The following SEC24A variants were observed in gnomAD, a reference collection of about 807,000 sequenced individuals.
SEC24A encodes protein transport protein Sec24A.
In SEC24A, 93 loss-of-function variants were observed where a neutral mutation model predicts 129.4. That is an observed-to-expected ratio of 0.72 (90% CI 0.61 to 0.85). SEC24A has a LOEUF of 0.85. SEC24A is among the 40% of genes least tolerant of loss of function. The probability of loss-of-function intolerance (pLI) is 0.00; values close to 1 mark genes in which losing one functional copy is unlikely to be tolerated. For synonymous variants in SEC24A, 460 were observed against 467.3 expected, an observed-to-expected ratio of 0.98 and a Z score of 0.20; for missense variants, 1,264 against 1,307.4, an observed-to-expected ratio of 0.97 and a Z score of 0.51.
rs1251375091 is a variant in SEC24A, at chr5:134,703,769, T to C, written c.2277T>C (p.Ile759=). The C allele has an allele frequency of 6.2e-7, 1 of 1,609,148 alleles. No homozygotes were observed. Among genetic ancestry groups the C allele is most frequent in the East Asian group, 2.2e-5 (1 of 44,834 alleles). Residue 759 remains isoleucine, a synonymous_variant, in exon 16 of 23, where the codon ATT becomes ATC. Coordinates refer to ENST00000398844, the MANE Select transcript of SEC24A (RefSeq NM_021982.3). ...MRIRCTKGLS[I]HTFHGNFFVR... ...CTTTTTCTCTTCTAGGTCTTTCCAT[T>C]CATACTTTCCATGGAAACTTCTTTG...
At chr5:134,711,160 T>C (rs1287982878) in intron 18 of SEC24A, among the ~76,000 whole-genome samples, 1 of 151,594 alleles carries the variant, frequency 6.6e-6, no homozygotes, top group South Asian at 2.1e-4. Flanking sequence ...AAATAAAAAA[T>C]AAATAAATAA....
At chr5:134,690,326 A>AT (rs980861929) in intron 11 of SEC24A, among the ~76,000 whole-genome samples, 1 of 151,996 alleles carries the variant, frequency 6.6e-6, no homozygotes, top group Non-Finnish European at 1.5e-5. Flanking sequence ...GGCTATTACT[A>AT]TTTTTTTAAA....
intron 2 of SEC24A, among the ~76,000 whole-genome samples, chr5:134,663,848 G>A (rs1169569579): frequency 1.3e-5 from 2 of 152,166 alleles, no homozygotes; most frequent in East Asian, 1.9e-4. Context: ...GGTGGCTCAC[G>A]CCTGTAAGCC....
chr5:134,719,557 G>A (rs549515143), intron 20 of SEC24A, among the ~76,000 whole-genome samples: 9 of 151,558 alleles, frequency 5.9e-5, no homozygotes, highest in East Asian at 5.8e-4. Context: ...GCGTGGTCAC[G>A]TGCACCTGTA....
At chr5:134,650,210 C>A (rs1432309745) in intron 1 of SEC24A, among the ~76,000 whole-genome samples, 1 of 152,250 alleles carries the variant, frequency 6.6e-6, no homozygotes, top group East Asian at 1.9e-4. Flanking sequence ...TGGAGGAAAG[C>A]CACTGAAAGG....
chr5:134,651,091 A>G (rs1217481148), intron 1 of SEC24A, among the ~76,000 whole-genome samples: 1 of 103,498 alleles, frequency 9.7e-6, no homozygotes, highest in Non-Finnish European at 2.0e-5. Context: ...GGTTTTTTGT[A>G]TTTTGCCTTT....
intron 1 of SEC24A, among the ~76,000 whole-genome samples, chr5:134,657,347 C>A (rs562890297): frequency 6.6e-6 from 1 of 152,024 alleles, no homozygotes; most frequent in South Asian, 2.1e-4. Flanking sequence ...CCGTGCCTGG[C>A]CTACATTTCT....
At chr5:134,653,546 T>A (rs1750136955) in intron 1 of SEC24A, among the ~76,000 whole-genome samples, 1 of 151,952 alleles carries the variant, frequency 6.6e-6, no homozygotes. Context: ...CCACAACATC[T>A]AGCACAGATA....
rs140636147 is a variant in SEC24A at position 134,724,311 on chromosome 5, G to A, written c.3167+641G>A. The stretch of plus-strand genomic sequence containing the variant: ...CTGTTTTTTAAAGGCTGAAGTCGCC[G>A]GGCGCGGTGGCTCATGCCTGTAATC... On this transcript the variant is annotated intron_variant, in intron 22 of 22. Transcript: ENST00000398844. Among the ~76,000 whole-genome samples the A allele has an allele frequency of 3.3e-4, 50 of 152,240 alleles. No homozygotes were observed. In the East Asian group the frequency reaches 7.9e-3, roughly 24 times the overall value.
intron 2 of SEC24A, among the ~76,000 whole-genome samples, chr5:134,664,109 C>CAA (rs11433266): frequency 2.2e-5 from 3 of 137,790 alleles, no homozygotes; most frequent in Admixed American, 7.3e-5. Flanking sequence ...GACTCCATCT[C>CAA]AAAAAAAAAA....
intron 16 of SEC24A, among the ~76,000 whole-genome samples, chr5:134,704,358 G>A (rs1752091559): frequency 6.6e-6 from 1 of 152,108 alleles, no homozygotes; most frequent in Non-Finnish European, 1.5e-5. Context: ...ATGAGCCACT[G>A]CGCCCAGCCC....
rs1580667709 is a variant in SEC24A, at chr5:134,648,972, A to C, written c.-105A>C. ...GCCCCCCCCTCTTCTCCCAGTCTTC[A>C]GTCTTAAGTCGTTAGCCTCCTCCCT... is the stretch of plus-strand genomic sequence containing the variant. On this transcript the variant is annotated 5_prime_UTR_variant, in exon 1 of 23. Coordinates refer to ENST00000398844, the MANE Select transcript of SEC24A (RefSeq NM_021982.3). 3 of 731,524 alleles carry C rather than the reference A, an allele frequency of 4.1e-6. No individual in the cohort carries two copies. In the South Asian group the frequency reaches 5.7e-5, roughly 14 times the overall value. 45.3% of individuals were successfully genotyped at this position (731,524 alleles called of 1,614,324 possible). A position where few individuals can be genotyped will look rare whatever the true frequency, so the allele number is the denominator to read the frequency against.
chr5:134,699,248 C>CA (rs1554140817), intron 15 of SEC24A, among the ~76,000 whole-genome samples: 1 of 142,748 alleles, frequency 7.0e-6, no homozygotes, highest in Non-Finnish European at 1.5e-5. Context: ...TGCTTTTAAA[C>CA]TTTTTTTTTT....
chr5:134,679,692 A>G lies in SEC24A; in HGVS notation c.1345A>G (p.Arg449Gly). ...NPFVSFLDQR[R>G]WKCNLCYRVN... ...TTTCGTCAGCTTTCTTGATCAAAGG[A>G]GATGGAAGTGTAACTTATGTTATCG... The change falls in exon 8 of 23, where the codon AGA (arginine) becomes GGA (glycine). Residue 449 changes from arginine to glycine, a missense_variant. Arg to Gly is a moderately radical substitution (Grantham distance 125, BLOSUM62 -2). Transcript: ENST00000398844. 6.3e-7 allele frequency: 1 copy of G among 1,599,132 alleles called. No homozygotes were observed. Among genetic ancestry groups the G allele is most frequent in the Non-Finnish European group, 8.5e-7 (1 of 1,169,972 alleles).
intron 9 of SEC24A, among the ~76,000 whole-genome samples, chr5:134,683,540 G>GTCT (rs1751346690): frequency 6.6e-6 from 1 of 152,056 alleles, no homozygotes; most frequent in Non-Finnish European, 1.5e-5. Flanking sequence ...AGAGAGGAGG[G>GTCT]TCTTACTTTG....
intron 1 of SEC24A, among the ~76,000 whole-genome samples, chr5:134,659,937 G>A (rs1750391172): frequency 6.6e-6 from 1 of 152,040 alleles, no homozygotes. Context: ...ATATGTGTGA[G>A]GCACCATGCC....
chr5:134,688,857 T>G (rs1030337419), intron 11 of SEC24A, among the ~76,000 whole-genome samples: 8 of 152,040 alleles, frequency 5.3e-5, no homozygotes, highest in African/African-American at 1.9e-4. Flanking sequence ...TTTTTGTATT[T>G]TTAGTAGAGA....
At position 134,723,568 on chromosome 5, in the gene SEC24A, C is replaced by G. The variant is rs747828246; in HGVS notation, c.3065C>G (p.Thr1022Arg). The G allele has an allele frequency of 1.2e-6, 2 of 1,602,324 alleles. No individual in the cohort carries two copies. The highest frequency in any genetic ancestry group is 1.7e-6 in the Non-Finnish European group (2 of 1,169,664). The change falls in exon 22 of 23, where the codon ACA becomes AGA. Residue 1022 changes from threonine (T) to arginine (R), a missense_variant and splice_region_variant. Transcript: ENST00000398844. ...QNYASIPQPM[T>R]DLPELDTPES... ...GATATTGTTGGTTTTGGTTAACAGACAGACCTTCCAGAACTTGATACACCA... is the reference window on the plus strand; with the variant it reads ...GATATTGTTGGTTTTGGTTAACAGAGAGACCTTCCAGAACTTGATACACCA...
chr5:134,715,010 G>A lies in SEC24A; in HGVS notation c.2728-14G>A. 2.5e-6 allele frequency: 4 copies of A among 1,608,418 alleles called. No individual in the cohort carries two copies. Among genetic ancestry groups the A allele is most frequent in the African/African-American group, 1.3e-5 (1 of 74,770 alleles). On this transcript the variant is annotated splice_polypyrimidine_tract_variant and intron_variant, in intron 18 of 22. Transcript: ENST00000398844. ...ATATATTCTTTTGTGGGGAATGGGG[G>A]TTTTCTGTTACAGAAATCATTCCAG...
Sources: allele counts gnomAD v4.1 joint callset (sites outside exome capture counted in the v4.1 genomes callset), GRCh38; gene constraint gnomAD v4.1.1; transcripts MANE v1.5; gene names NCBI Gene and HGNC (gene_info 2026-07-23, HGNC 2026-07-21).